NRDC: variants seen among roughly 807,000 people sequenced by gnomAD.
NRDC encodes nardilysin convertase, also known as nardilysin.
NRDC carries 54 observed loss-of-function variants against 147.1 expected under a neutral mutation model. The ratio of observed to expected loss-of-function variants is 0.37; its 90% CI spans 0.29 to 0.46. The LOEUF is 0.46. Ranked by LOEUF, NRDC falls within the 20% of genes least tolerant of loss-of-function variation. NRDC has a pLI of 1.00. For synonymous variants in NRDC, 440 were observed against 482.1 expected, an observed-to-expected ratio of 0.91 and a Z score of 1.14; for missense variants, 1,082 against 1,370.6, an observed-to-expected ratio of 0.79 and a Z score of 3.33.
rs755683229 is a variant in NRDC, at chr1:51,810,287, T to C, written c.1897A>G (p.Ile633Val). The C allele has an allele frequency of 3.7e-6, 6 of 1,601,912 alleles. No homozygotes were observed. Among genetic ancestry groups the C allele is most frequent in the Non-Finnish European group, 5.1e-6 (6 of 1,171,082 alleles). The change falls in exon 16 of 31, where the codon ATA (isoleucine) becomes GTA (valine). Residue 633 changes from isoleucine to valine, a missense_variant. Coordinates refer to ENST00000352171, the MANE Select transcript of NRDC (RefSeq NM_001101662.2). ...AATTGTTAAAATATTTTACCTTCTA[T>C]ACTATATTGAGTTCCAAACCATTTC... ...KEKWFGTQYS[I>V]EDIENSWAEL...
intron 22 of NRDC, 172 bp from the exon 23 acceptor site, chr1:51,795,026 T>C (rs958375008): frequency 2.7e-6 from 4 of 1,477,396 alleles, no homozygotes; most frequent in African/African-American, 1.4e-5. Context: ...TCAAGATTGA[T>C]TGTGTTTGTG....
intron 1 of NRDC, among the ~76,000 whole-genome samples, chr1:51,865,547 C>T (rs945134962): frequency 6.6e-6 from 1 of 151,948 alleles, no homozygotes; most frequent in African/African-American, 2.4e-5. Flanking sequence ...AGGTGATTCG[C>T]CCACCTTGGC....
chr1:51,805,457 A>T, intron 19 of NRDC, 53 bp downstream of exon 19: 2 of 1,289,094 alleles, frequency 1.6e-6, no homozygotes, highest in South Asian at 2.7e-5. Flanking sequence ...GAAACAAAAT[A>T]GTTTTTCAAT....
rs193062647 is a variant in NRDC at position 51,870,662 on chromosome 1, C to T, written c.341+7613G>A. ...GCATCCATACTCGTTACTTCCTTCA[C>T]TTTAAGTGAAGATATTTTCTCGTCT... On this transcript the variant is annotated intron_variant, in intron 1 of 30. Transcript: ENST00000352171. Among the ~76,000 whole-genome samples, 1,457 of 152,214 alleles carry T rather than the reference C, an allele frequency of 9.6e-3. 12 individuals carry two copies. The highest frequency in any genetic ancestry group is 0.016 in the Non-Finnish European group (1,075 of 68,016).
At chr1:51,827,670 C>T (rs1304788029) in intron 5 of NRDC, 126 bp downstream of exon 5, 2 of 674,878 alleles carry the variant, frequency 3.0e-6, no homozygotes, top group South Asian at 2.1e-5. Flanking sequence ...AAACATAACA[C>T]ATATTTCAAT....
chr1:51,873,010 A>AT (rs1683155229), intron 1 of NRDC, among the ~76,000 whole-genome samples: 1 of 152,126 alleles, frequency 6.6e-6, no homozygotes, highest in Non-Finnish European at 1.5e-5. Context: ...TAGCTGTGAG[A>AT]TTTTGTGATC....
intron 1 of NRDC, among the ~76,000 whole-genome samples, chr1:51,859,414 T>G (rs1294691256): frequency 6.6e-6 from 1 of 152,240 alleles, no homozygotes; most frequent in Non-Finnish European, 1.5e-5. Context: ...GAGGTCTGGA[T>G]GTATGCCCAC....
chr1:51,810,308 A>G lies in NRDC; in HGVS notation c.1876T>C (p.Trp626Arg). The change falls in exon 16 of 31, where the codon TGG becomes CGG. Residue 626 changes from tryptophan to arginine, a missense_variant. Around this residue, in one of 3 missense-constraint regions of NRDC, gnomAD observed 635 missense variants for 923.8 expected, o/e 0.69. Transcript: ENST00000352171. ...NEGKCDLKEK[W>R]FGTQYSIEDI... Reference sequence around the variant, plus strand: ...TCTATACTATATTGAGTTCCAAACCATTTCTCCTTGAGGTCACATTTTCCC... The same window carrying G: ...TCTATACTATATTGAGTTCCAAACCGTTTCTCCTTGAGGTCACATTTTCCC... 1 of 1,611,006 alleles carries G rather than the reference A, an allele frequency of 6.2e-7. No homozygotes were observed.
At chr1:51,852,638 A>G (rs1197963393) in intron 1 of NRDC, among the ~76,000 whole-genome samples, 1 of 56,780 alleles carries the variant, frequency 1.8e-5, no homozygotes, top group African/African-American at 4.6e-5. Context: ...ATGCCCGGCC[A>G]CTTTTCTTAT....
chr1:51,803,374 C>A (rs6685190), intron 20 of NRDC, among the ~76,000 whole-genome samples: 77,449 of 151,452 alleles, frequency 0.51, 21,137 homozygotes, highest in East Asian at 0.93. Flanking sequence ...ACTCAGCAGG[C>A]TGAGGCATGA....
At chr1:51,846,200 T>G (rs1405945552) in intron 1 of NRDC, among the ~76,000 whole-genome samples, 1 of 152,048 alleles carries the variant, frequency 6.6e-6, no homozygotes, top group Non-Finnish European at 1.5e-5. Flanking sequence ...CAACCTCCAC[T>G]TCCCAGGTTC....
chr1:51,815,231 C>T (rs1407103214), intron 11 of NRDC, among the ~76,000 whole-genome samples: 1 of 148,710 alleles, frequency 6.7e-6, no homozygotes, highest in East Asian at 1.9e-4. Flanking sequence ...ACAATGTTGC[C>T]CAGTCTGGTC....
intron 29 of NRDC, 23 bp from the exon 30 acceptor site, chr1:51,789,680 GA>G: frequency 6.5e-7 from 1 of 1,539,010 alleles, no homozygotes; most frequent in Non-Finnish European, 9.0e-7. Context: ...GGGAAGATAG[GA>G]AAGAAATTCA....
At chr1:51,836,062 G>T in intron 3 of NRDC, 69 bp downstream of exon 3, 3 of 1,149,576 alleles carry the variant, frequency 2.6e-6, no homozygotes, top group East Asian at 2.4e-5. Flanking sequence ...GCTAATCTTT[G>T]ATATCAATTC....
intron 1 of NRDC, among the ~76,000 whole-genome samples, chr1:51,873,179 A>G (rs995669463): frequency 5.3e-5 from 8 of 151,950 alleles, no homozygotes; most frequent in African/African-American, 1.9e-4. Flanking sequence ...CAAAAAAAAA[A>G]GTTCTCTTGT....
chr1:51,842,703 G>C (rs1681330263), intron 1 of NRDC, among the ~76,000 whole-genome samples: 1 of 152,102 alleles, frequency 6.6e-6, no homozygotes, highest in South Asian at 2.1e-4. Flanking sequence ...ACAAGCAAAA[G>C]TAAACAGTAT....
chr1:51,809,031 A>C (rs1333991839), intron 17 of NRDC, among the ~76,000 whole-genome samples: 4 of 152,242 alleles, frequency 2.6e-5, no homozygotes, highest in African/African-American at 4.8e-5. Context: ...GTATGAAAGG[A>C]TCAGCTACTC....
At chr1:51,812,935 C>T (rs905080418) in intron 14 of NRDC, among the ~76,000 whole-genome samples, 3 of 142,290 alleles carry the variant, frequency 2.1e-5, no homozygotes, top group Non-Finnish European at 4.5e-5. Context: ...GCACTCCTGC[C>T]CAGATGACAG....
At position 51,836,157 on chromosome 1, in the gene NRDC, G is replaced by A. The variant is rs1394998217; in HGVS notation, c.686C>T (p.Pro229Leu). Residue 229 changes from proline (P) to leucine (L), a missense_variant, in exon 3 of 31, where the codon CCG becomes CTG. Around this residue, in one of 3 missense-constraint regions of NRDC, gnomAD observed 635 missense variants for 923.8 expected, o/e 0.69. Coordinates refer to ENST00000352171, the MANE Select transcript of NRDC (RefSeq NM_001101662.2). Reference protein sequence around the residue: ...VGSFADPDDLPGLAHFLEHMV... With the variant: ...VGSFADPDDLLGLAHFLEHMV... ...GTGCTCCAAAAAGTGTGCCAGCCCC[G>A]GCAGGTCATCTGGATCAGCGAAACT... 10 of 1,613,926 alleles carry A rather than the reference G, an allele frequency of 6.2e-6. No individual in the cohort carries two copies. The highest frequency in any genetic ancestry group is 3.3e-5 in the Admixed American group (2 of 59,978).
Sources: allele counts gnomAD v4.1 joint callset (sites outside exome capture counted in the v4.1 genomes callset), GRCh38; gene constraint gnomAD v4.1.1; regional missense constraint gnomAD v4.1.1; transcripts MANE v1.5; gene names NCBI Gene and HGNC (gene_info 2026-07-23, HGNC 2026-07-21).